The following KCP variants were observed in gnomAD, a reference collection of about 807,000 sequenced individuals.
The protein encoded by KCP is kielin cysteine rich BMP regulator.
Under a neutral mutation model 212.7 loss-of-function variants are expected in KCP, and 194 were observed. The ratio of observed to expected loss-of-function variants is 0.91; its 90% CI spans 0.81 to 1.03. The LOEUF is 1.03. Ranked by LOEUF, KCP falls within the 50% of genes least tolerant of loss-of-function variation. The probability of loss-of-function intolerance (pLI) is 0.00; values close to 1 mark genes in which losing one functional copy is unlikely to be tolerated. For missense variants in KCP, 2,080 were observed against 2,162.5 expected (o/e 0.96, Z 0.76); for synonymous variants, 833 against 865.3 (o/e 0.96, Z 0.65).
rs1007165025 is a variant in KCP at position 128,891,083 on chromosome 7, G to T, written c.1986C>A (p.Pro662=). The stretch of plus-strand genomic sequence containing the variant: ...CCGCGCCGGGCCGTGGGCAGCCGGC[G>T]GGGGCTGGGGCGGCTGCGGCGAGAC... ...CCPQCPAAPA[P]AGCPRPGAAH... The change falls in exon 20 of 40, where the codon CCC becomes CCA. Residue 662 remains proline, a synonymous_variant. Transcript: ENST00000610776. 5 of 1,420,530 alleles carry T rather than the reference G, an allele frequency of 3.5e-6. 1 individual carries two copies. The highest frequency in any genetic ancestry group is 6.2e-5 in the Admixed American group (2 of 32,204). 88.0% of individuals were successfully genotyped at this position (1,420,530 alleles called of 1,614,324 possible).
intron 3 of KCP, 29 bp downstream of exon 3, chr7:128,907,235 C>A (rs1406628574): frequency 1.3e-6 from 2 of 1,536,740 alleles, no homozygotes; most frequent in South Asian, 1.2e-5. Context: ...CTTTAGGTGG[C>A]CCCAGTGGGC....
At chr7:128,899,888 G>T in intron 8 of KCP, among the ~76,000 whole-genome samples, 1 of 130,680 alleles carries the variant, frequency 7.7e-6, no homozygotes, top group Admixed American at 7.0e-5. Context: ...GACTTGTAGA[G>T]CCAATAAATG....
At chr7:128,907,484 G>T (rs1381795208) in intron 2 of KCP, 31 bp from the exon 3 acceptor site, 17 of 1,396,698 alleles carry the variant, frequency 1.2e-5, no homozygotes, top group Middle Eastern at 1.9e-4. Flanking sequence ...AGCAGGCACT[G>T]GCTCAGCTTC....
chr7:128,890,957 C>T lies in KCP; in HGVS notation c.2112G>A (p.Pro704=). 1.6e-6 allele frequency: 2 copies of T among 1,255,592 alleles called. No homozygotes were observed. The highest frequency in any genetic ancestry group is 2.0e-6 in the Non-Finnish European group (2 of 1,005,338). 77.8% of individuals were successfully genotyped at this position (1,255,592 alleles called of 1,614,324 possible). A position where few individuals can be genotyped will look rare whatever the true frequency, so the allele number is the denominator to read the frequency against. The part of the protein sequence containing the change: ...GSVSCQRLPC[P]PAPCAHPRQG... The stretch of plus-strand genomic sequence containing the variant: ...GGCGCGGGTGCGCGCAGGGCGCGGG[C>T]GGGCAGGGCAGCCGCTGGCAGGACA... The change falls in exon 20 of 40, where the codon CCG becomes CCA. Residue 704 remains proline (P), a synonymous_variant. Transcript: ENST00000610776.
At chr7:128,904,227 CT>C in intron 5 of KCP, 89 bp from the exon 6 acceptor site, 2 of 1,519,478 alleles carry the variant, frequency 1.3e-6, no homozygotes, top group Non-Finnish European at 1.8e-6. Flanking sequence ...CAAGTAGGTA[CT>C]GGACCCTTGG....
At chr7:128,884,940 C>T in intron 27 of KCP, 77 bp from the exon 28 acceptor site, 1 of 1,496,938 alleles carries the variant, frequency 6.7e-7, no homozygotes, top group Admixed American at 2.0e-5. Flanking sequence ...AGTCCTCTAT[C>T]TCCAGCCTCC....
At chr7:128,880,880 C>T (rs1233308694) in intron 32 of KCP, 117 bp downstream of exon 32, 2 of 400,002 alleles carry the variant, frequency 5.0e-6, no homozygotes, top group Non-Finnish European at 8.8e-6. Flanking sequence ...GCTCCATGCC[C>T]CGGTGCAGGG....
At position 128,893,312 on chromosome 7, in the gene KCP, T is replaced by A; in HGVS notation, c.1193A>T (p.Glu398Val). Residue 398 changes from glutamate (E) to valine (V), a missense_variant, in exon 13 of 40, where the codon GAG becomes GTG. Glu to Val is a moderately radical substitution (Grantham distance 121). Transcript: ENST00000610776. ...GCACTCCTGCTCCTCACAGGAGACC[T>A]CGCCAGCCTAGGAGGGAAGCAGGTG... Reference protein sequence around the residue: ...LCVRCSCQAGEVSCEEQECPV... With the variant: ...LCVRCSCQAGVVSCEEQECPV... 1 of 1,551,502 alleles carries A rather than the reference T, an allele frequency of 6.4e-7. No homozygotes were observed. Among genetic ancestry groups the A allele is most frequent in the Non-Finnish European group, 8.7e-7 (1 of 1,146,906 alleles).
Position 128,880,647 on chromosome 7 carries a change from C to T in KCP, c.3588G>A (p.Gln1196=). 1 of 935,824 alleles carries T rather than the reference C, an allele frequency of 1.1e-6. No homozygotes were observed. 58.0% of individuals were successfully genotyped at this position (935,824 alleles called of 1,614,324 possible). The part of the protein sequence containing the change: ...SCPHGWAKVP[Q]ADSCCERCQA... The stretch of plus-strand genomic sequence containing the variant: ...GGCATCGCTCACAGCAGCTGTCAGC[C>T]TGGGGCACCTTCGCCCAGCCATGGG... Residue 1196 remains glutamine (Q), a synonymous_variant, in exon 33 of 40, where the codon CAG becomes CAA. Coordinates refer to ENST00000610776, the MANE Select transcript of KCP (RefSeq NM_001366122.1).
At position 128,906,354 on chromosome 7, in the gene KCP, T is replaced by C. The variant is rs1795119586; in HGVS notation, c.496A>G (p.Ile166Val). Reference sequence around the variant, plus strand: ...GGGCATGGCTTCTGGTTGCAAGTGATGGTACCTTCCTGTGGGAGCAGACTG... The same window carrying C: ...GGGCATGGCTTCTGGTTGCAAGTGACGGTACCTTCCTGTGGGAGCAGACTG... ...CTTCRCLEGT[I>V]TCNQKPCPRG... Residue 166 changes from isoleucine to valine, a missense_variant, in exon 5 of 40, where the codon ATC becomes GTC. Ile to Val is a conservative substitution (Grantham distance 29). Coordinates refer to ENST00000610776, the MANE Select transcript of KCP (RefSeq NM_001366122.1). 1 of 1,549,178 alleles carries C rather than the reference T, an allele frequency of 6.5e-7. No homozygotes were observed. The highest frequency in any genetic ancestry group is 8.7e-7 in the Non-Finnish European group (1 of 1,146,300).
intron 2 of KCP, among the ~76,000 whole-genome samples, 152 bp from the exon 3 acceptor site, chr7:128,907,605 C>T (rs567036770): frequency 1.6e-4 from 25 of 152,322 alleles, no homozygotes; most frequent in African/African-American, 2.6e-4. Context: ...CCAGCTCAAA[C>T]GATCACCATT....
At position 128,886,662 on chromosome 7, in the gene KCP, C is replaced by T. The variant is rs538417064; in HGVS notation, c.2765G>A (p.Arg922His). The T allele has an allele frequency of 6.3e-4, 977 of 1,551,544 alleles. 13 individuals are homozygous for T. The South Asian group carries it at 0.01, about 16-fold the overall frequency. The change falls in exon 25 of 40, where the codon CGC (arginine) becomes CAC (histidine). Residue 922 changes from arginine to histidine, a missense_variant. Arg to His is a conservative substitution (Grantham distance 29, BLOSUM62 0). Coordinates refer to ENST00000610776, the MANE Select transcript of KCP (RefSeq NM_001366122.1). ...EGPAGSCEWCRCQAGQVSCVR... is the reference protein window; with the variant it reads ...EGPAGSCEWCHCQAGQVSCVR... ...CCCCACCTCCTGCTATACCTGACAG[C>T]GACACCACTCACAGCTGCCTGCTGG...
At chr7:128,887,146 G>T in intron 23 of KCP, 69 bp downstream of exon 23, 1 of 1,364,878 alleles carries the variant, frequency 7.3e-7, no homozygotes, top group Non-Finnish European at 1.0e-6. Flanking sequence ...GGAGGAGACA[G>T]CCTCTTCCTG....
chr7:128,881,389 C>T (rs971597716), intron 31 of KCP, among the ~76,000 whole-genome samples: 9 of 152,360 alleles, frequency 5.9e-5, no homozygotes, highest in African/African-American at 2.2e-4. Flanking sequence ...AGCCCCCTGA[C>T]AGGCATCAGG....
intron 21 of KCP, chr7:128,890,053 G>C (rs1271172559): frequency 2.4e-6 from 1 of 423,982 alleles, no homozygotes; most frequent in Non-Finnish European, 4.4e-6. Flanking sequence ...CTCCGGAGTA[G>C]ATGGAACTAC....
intron 2 of KCP, among the ~76,000 whole-genome samples, chr7:128,907,947 G>A (rs1795207641): frequency 6.6e-6 from 1 of 151,958 alleles, no homozygotes; most frequent in Non-Finnish European, 1.5e-5. Flanking sequence ...TGGCCAACGT[G>A]GTGAAATCCT....
rs987511155 is a variant in KCP, at chr7:128,880,438, G to A, written c.3707C>T (p.Ala1236Val). 51 of 1,546,186 alleles carry A rather than the reference G, an allele frequency of 3.3e-5. No individual in the cohort carries two copies. Among genetic ancestry groups the A allele is most frequent in the African/African-American group, 1.6e-4 (12 of 72,974 alleles). The change falls in exon 34 of 40, where the codon GCG (alanine) becomes GTG (valine). Residue 1236 changes from alanine to valine, a missense_variant. Physicochemically the swap from Ala to Val is moderately conservative, Grantham distance 64. Transcript: ENST00000610776. ...CTGGCTCTGGCAACGCACGGTGCCC[G>A]CCATGCAGGAGCAGCTGGTGCAGGT... is the stretch of plus-strand genomic sequence containing the variant. Reference protein sequence around the residue: ...VDTCTSCSCMAGTVRCQSQRC... With the variant: ...VDTCTSCSCMVGTVRCQSQRC...
In KCP at chr7:128,881,951, TGTAGCAGGG is replaced by T. The variant is rs1482699459; in HGVS notation, c.3301_3309del (p.Pro1101_Tyr1103del). Reference sequence around the variant, plus strand: ...GGAGGGCTCACCTGGCACTGGCACGTGTAGCAGGGGTCTGGTGGGGCTAGCTCAGATCCC... The same window carrying T: ...GGAGGGCTCACCTGGCACTGGCACGTGTCTGGTGGGGCTAGCTCAGATCCC... On this transcript the variant is annotated inframe_deletion, in exon 30 of 40. Coordinates refer to ENST00000610776, the MANE Select transcript of KCP (RefSeq NM_001366122.1). 2 of 1,551,226 alleles carry T rather than the reference TGTAGCAGGG, an allele frequency of 1.3e-6. No homozygotes were observed. The highest frequency in any genetic ancestry group is 1.7e-4 in the Middle Eastern group (1 of 5,992).
At chr7:128,887,734 C>G (rs536718350) in intron 22 of KCP, among the ~76,000 whole-genome samples, 1 of 150,880 alleles carries the variant, frequency 6.6e-6, no homozygotes, top group East Asian at 2.0e-4. Context: ...CACAGCCACA[C>G]CCACACTCTC....
Sources: gnomAD v4.1 joint callset for allele counts (sites outside exome capture counted in the v4.1 genomes callset) on GRCh38, gnomAD v4.1.1 for gene constraint, MANE v1.5 for transcripts, NCBI Gene and HGNC (gene_info 2026-07-23, HGNC 2026-07-21) for gene names.